Variants in ZNF385D observed in about 807,000 individuals in gnomAD.
ZNF385D encodes zinc finger protein 385D.
Under a neutral mutation model 35.8 loss-of-function variants are expected in ZNF385D, and 15 were observed. The observed-to-expected ratio is 0.42, with a 90% confidence interval of 0.28 to 0.64. ZNF385D has a LOEUF of 0.64. ZNF385D is among the 30% of genes least tolerant of loss of function. The pLI, the probability that ZNF385D is intolerant of heterozygous loss-of-function variation, is 0.23. For missense variants in ZNF385D, 474 were observed against 494.6 expected (o/e 0.96, Z 0.39); for synonymous variants, 212 against 186.8 (o/e 1.13, Z -1.10).
intron 3 of ZNF385D, among the ~76,000 whole-genome samples, chr3:22,002,799 A>C (rs1384434480): frequency 1.3e-5 from 2 of 152,208 alleles, no homozygotes; most frequent in Non-Finnish European, 2.9e-5. Flanking sequence ...ACAAATAAAG[A>C]AACATGATAC....
intron 2 of ZNF385D, among the ~76,000 whole-genome samples, chr3:22,266,923 A>C (rs1700925272): frequency 6.6e-6 from 1 of 151,918 alleles, no homozygotes; most frequent in Non-Finnish European, 1.5e-5. Context: ...AAAACAAAAC[A>C]ATCTTTCCTT....
At chr3:22,303,825 T>C (rs1575078156) in intron 2 of ZNF385D, among the ~76,000 whole-genome samples, 1 of 152,178 alleles carries the variant, frequency 6.6e-6, no homozygotes, top group Non-Finnish European at 1.5e-5. Flanking sequence ...TTGCCCAGGA[T>C]AGAGTGCAAT....
intron 3 of ZNF385D, among the ~76,000 whole-genome samples, chr3:22,101,929 G>A (rs1212183813): frequency 6.6e-6 from 1 of 151,376 alleles, no homozygotes; most frequent in Non-Finnish European, 1.5e-5. Flanking sequence ...GAGTAAGTTA[G>A]TGGACAAATT....
chr3:22,241,634 G>A (rs1193207705), intron 2 of ZNF385D, among the ~76,000 whole-genome samples: 1 of 151,048 alleles, frequency 6.6e-6, no homozygotes, highest in Non-Finnish European at 1.5e-5. Context: ...TTTACTCAGG[G>A]TAGAATTTTC....
chr3:22,351,085 C>A (rs1695894752), intron 2 of ZNF385D, among the ~76,000 whole-genome samples: 1 of 152,074 alleles, frequency 6.6e-6, no homozygotes, highest in African/African-American at 2.4e-5. Flanking sequence ...TTGGTTCTTA[C>A]AGCTGCATGT....
intron 3 of ZNF385D, among the ~76,000 whole-genome samples, chr3:22,118,848 T>C (rs566143194): frequency 1.2e-4 from 18 of 152,260 alleles, no homozygotes; most frequent in Non-Finnish European, 2.1e-4. Context: ...ACATACAAAT[T>C]TGAGCATTTC....
At chr3:21,883,663 C>A (rs764003735) in intron 3 of ZNF385D, among the ~76,000 whole-genome samples, 1 of 151,930 alleles carries the variant, frequency 6.6e-6, no homozygotes, top group African/African-American at 2.4e-5. Flanking sequence ...TGTTGATGCA[C>A]GATGCTGCCT....
intron 1 of ZNF385D, among the ~76,000 whole-genome samples, chr3:21,694,833 GA>G (rs2067415282): frequency 6.6e-6 from 1 of 151,804 alleles, no homozygotes. Context: ...TAACTTCACT[GA>G]GTCTAATTAA....
At chr3:22,003,734 G>A (rs1414375594) in intron 3 of ZNF385D, among the ~76,000 whole-genome samples, 2 of 151,934 alleles carry the variant, frequency 1.3e-5, no homozygotes, top group African/African-American at 2.4e-5. Context: ...AGGTATGGTG[G>A]CAGGCACCTG....
chr3:21,888,305 A>G (rs116372593), intron 3 of ZNF385D, among the ~76,000 whole-genome samples: 74 of 152,298 alleles, frequency 4.9e-4, no homozygotes, highest in African/African-American at 1.7e-3. Context: ...ATTGTGGTAT[A>G]TTGCAAAGAG....
rs1400899605 is a variant in ZNF385D, at chr3:21,587,965, C to A, written c.166-23281G>T. 3.4e-4 allele frequency among the ~76,000 whole-genome samples: 52 copies of A among 152,124 alleles called. 1 individual carries two copies. Among genetic ancestry groups the A allele is most frequent in the Admixed American group, 3.4e-3 (52 of 15,284 alleles). On this transcript the variant is annotated intron_variant, in intron 2 of 7. Transcript: ENST00000281523. ...TTTAAAAAGGTAGGTTCTATTATCT[C>A]CTTTGGATGCCCAATTTTAGTGCCC... is the stretch of plus-strand genomic sequence containing the variant.
chr3:21,543,405 G>A (rs1422234684), intron 3 of ZNF385D, among the ~76,000 whole-genome samples: 1 of 152,150 alleles, frequency 6.6e-6, no homozygotes, highest in Admixed American at 6.5e-5. Flanking sequence ...GCTCCTGGGG[G>A]TCGGGGGCCT....
At chr3:22,287,059 G>A (rs900054689) in intron 2 of ZNF385D, among the ~76,000 whole-genome samples, 4 of 152,030 alleles carry the variant, frequency 2.6e-5, no homozygotes, top group African/African-American at 9.7e-5. Flanking sequence ...GTGCTCTGAT[G>A]TTGGGTACAT....
intron 3 of ZNF385D, among the ~76,000 whole-genome samples, chr3:22,143,349 G>T (rs775946764): frequency 6.6e-6 from 1 of 152,018 alleles, no homozygotes; most frequent in African/African-American, 2.4e-5. Context: ...CTCCCAAAGC[G>T]CTAGGATTAC....
At chr3:21,926,025 T>A (rs558045658) in intron 3 of ZNF385D, among the ~76,000 whole-genome samples, 2 of 152,172 alleles carry the variant, frequency 1.3e-5, no homozygotes, top group Admixed American at 6.5e-5. Flanking sequence ...TATACGTGGA[T>A]AGTCGGAATG....
chr3:21,803,370 A>G (rs2072496473), intron 3 of ZNF385D, among the ~76,000 whole-genome samples: 1 of 152,144 alleles, frequency 6.6e-6, no homozygotes, highest in African/African-American at 2.4e-5. Flanking sequence ...TGTATTTTTT[A>G]CATAGTTTTC....
intron 3 of ZNF385D, among the ~76,000 whole-genome samples, chr3:22,123,960 C>CTATATATA (rs1222647240): frequency 8.9e-4 from 65 of 72,850 alleles, no homozygotes; most frequent in African/African-American, 2.8e-3. Flanking sequence ...CTCTCTCTCT[C>CTATATATA]TCTATATATA....
intron 2 of ZNF385D, among the ~76,000 whole-genome samples, chr3:22,206,105 T>C (rs955033605): frequency 6.6e-6 from 1 of 151,846 alleles, no homozygotes; most frequent in African/African-American, 2.4e-5. Context: ...CTGCAAATGG[T>C]AACCATAAAA....
chr3:22,177,261 T>C (rs1380626328), intron 2 of ZNF385D, among the ~76,000 whole-genome samples: 1 of 152,162 alleles, frequency 6.6e-6, no homozygotes, highest in African/African-American at 2.4e-5. Flanking sequence ...CCAAATATCT[T>C]TGTGCTTTCA....
Sources: allele counts gnomAD v4.1 joint callset (sites outside exome capture counted in the v4.1 genomes callset), GRCh38; gene constraint gnomAD v4.1.1; transcripts MANE v1.5; gene names NCBI Gene and HGNC (gene_info 2026-07-23, HGNC 2026-07-21).